TBC1D28: variants seen among roughly 807,000 people sequenced by gnomAD.
TBC1D28 encodes TBC1 domain family, member 28.
A neutral mutation model predicts 29.2 loss-of-function variants in TBC1D28; 20 were observed. That is an observed-to-expected ratio of 0.68 (90% CI 0.48 to 0.99). The LOEUF (loss-of-function observed/expected upper bound fraction) is 0.99, where lower values mean the gene tolerates loss of function less well. Ranked by LOEUF, TBC1D28 falls within the 50% of genes least tolerant of loss-of-function variation. The probability of loss-of-function intolerance (pLI) is 0.00; values close to 1 mark genes in which losing one functional copy is unlikely to be tolerated. For synonymous variants in TBC1D28, 65 were observed against 90.9 expected (o/e 0.71, Z 1.62); for missense variants, 205 against 243.7 (o/e 0.84, Z 1.06).
At chr17:18,642,285 A>G (rs1241568943) in exon 1 of TBC1D28, 1 of 152,448 alleles carries the variant, frequency 6.6e-6, no homozygotes, top group Admixed American at 6.5e-5. Flanking sequence ...CCATGTGTCC[A>G]GTGGGTCCCA....
At chr17:18,635,806 C>T (rs535789473) in exon 9 of TBC1D28, 1 of 986,122 alleles carries the variant, frequency 1.0e-6, no homozygotes, top group East Asian at 1.1e-4. Flanking sequence ...TGAAGTAATC[C>T]ACGCCAACCA....
chr17:18,639,031 T>A, intron 5 of TBC1D28, 144 bp downstream of exon 6: 3 of 1,317,452 alleles, frequency 2.3e-6, no homozygotes, highest in Non-Finnish European at 3.1e-6. Flanking sequence ...GGGAACAGAG[T>A]CCAGCAGGAA....
chr17:18,637,162 C>A (rs2031540375), intron 8 of TBC1D28, among the ~76,000 whole-genome samples: 1 of 140,802 alleles, frequency 7.1e-6, no homozygotes, highest in Non-Finnish European at 1.5e-5. Context: ...ACCCATGTTC[C>A]TGCAGGCATT....
exon 7 of TBC1D28, chr17:18,638,392 G>A (rs749285550): frequency 2.7e-5 from 43 of 1,614,014 alleles, no homozygotes; most frequent in Non-Finnish European, 3.2e-5. Flanking sequence ...CACCGCCAGG[G>A]GAATGACTTT....
intron 5 of TBC1D28, 126 bp from the exon 7 acceptor site, chr17:18,638,827 C>T (rs1400950086): frequency 2.4e-6 from 3 of 1,246,176 alleles, no homozygotes; most frequent in Non-Finnish European, 3.4e-6. Flanking sequence ...AAGGGCAGGC[C>T]CCAGGGGCTG....
upstream of TBC1D28, chr17:18,642,615 C>T (rs910072077): frequency 6.6e-6 from 1 of 152,252 alleles, no homozygotes; most frequent in African/African-American, 2.4e-5. Flanking sequence ...GGGGACAGCA[C>T]CCATCGCCAC....
chr17:18,638,231 C>T (rs867406098), intron 7 of TBC1D28, 82 bp downstream of exon 8: 38 of 1,518,924 alleles, frequency 2.5e-5, no homozygotes, highest in South Asian at 1.3e-4. Flanking sequence ...CCAGGCTCAA[C>T]GTTCCCTCCA....
chr17:18,638,219 ACCCAGGCTCAACGTTC>A lies in TBC1D28; in HGVS notation c.387+78_387+93del, dbSNP rs2031593333. On this transcript the variant is annotated intron_variant, in intron 7 of 8. Transcript: ENST00000345096. The stretch of plus-strand genomic sequence containing the variant: ...CATCTGACCACAGCCCCCACCCCCA[ACCCAGGCTCAACGTTC>A]CCTCCAGCTGGAGTCCTGGGATCCT... 2.0e-6 allele frequency: 3 copies of A among 1,471,966 alleles called. No homozygotes were observed. In the South Asian group the frequency reaches 3.8e-5, roughly 18 times the overall value. The allele number at this position is 1,471,966 out of a possible 1,614,324, so 91.2% of individuals were successfully genotyped here. A position where few individuals can be genotyped will look rare whatever the true frequency, so the allele number is the denominator to read the frequency against.
At chr17:18,634,920 G>C (rs1013920108), downstream of TBC1D28, 2 of 160,104 alleles carry the variant, frequency 1.2e-5, no homozygotes, top group African/African-American at 4.8e-5. Context: ...TCACCCGCCC[G>C]GCTGCCTTAG....
chr17:18,638,384 C>T (rs1030749957), exon 7 of TBC1D28: 22 of 1,614,182 alleles, frequency 1.4e-5, no homozygotes, highest in Non-Finnish European at 1.8e-5. Flanking sequence ...CGGCCCCGCA[C>T]CGCCAGGGGA....
exon 9 of TBC1D28, chr17:18,636,211 T>C: frequency 7.9e-7 from 1 of 1,270,510 alleles, no homozygotes; most frequent in Non-Finnish European, 9.9e-7. Context: ...TGCAAACTCA[T>C]TTCATGACAA....
chr17:18,635,347 G>C (rs1472404373), exon 9 of TBC1D28: 1 of 166,808 alleles, frequency 6.0e-6, no homozygotes, highest in Admixed American at 6.5e-5. Context: ...AGGTCCTCCT[G>C]CCAGGAGCCC....
chr17:18,642,177 G>A (rs1291382120), exon 1 of TBC1D28: 1 of 152,320 alleles, frequency 6.6e-6, no homozygotes, highest in Non-Finnish European at 1.5e-5. Context: ...GACCAGGAGA[G>A]ACGATTGTCA....
Position 18,637,767 on chromosome 17 carries a change from C to A in TBC1D28, c.497+97G>T, listed in dbSNP as rs1789731808. On this transcript the variant is annotated intron_variant, in intron 8 of 8. Transcript: ENST00000345096. ...GGAGAGCCCTTGGTGGCTCTGTCAC[C>A]TCTCCTGGGTGACCCTGGCCTCTGC... The A allele has an allele frequency of 2.0e-6, 3 of 1,476,804 alleles. No individual in the cohort carries two copies. In the South Asian group the frequency reaches 3.7e-5, roughly 18 times the overall value. 91.5% of individuals were successfully genotyped at this position (1,476,804 alleles called of 1,614,324 possible). A position where few individuals can be genotyped will look rare whatever the true frequency, so the allele number is the denominator to read the frequency against.
upstream of TBC1D28, among the ~76,000 whole-genome samples, chr17:18,643,890 G>C (rs1345136884): frequency 6.6e-6 from 1 of 152,174 alleles, no homozygotes; most frequent in African/African-American, 2.4e-5. Context: ...GACTTGGACC[G>C]AGCACCACCT....
At chr17:18,635,387 C>T (rs902817076) in exon 9 of TBC1D28, 63 of 330,652 alleles carry the variant, frequency 1.9e-4, no homozygotes, top group Middle Eastern at 1.5e-3. Flanking sequence ...AGGAAGCGCC[C>T]GCGCTGGGGA....
At chr17:18,641,547 G>A in intron 2 of TBC1D28, 85 bp downstream of exon 3, 1 of 641,474 alleles carries the variant, frequency 1.6e-6, no homozygotes, top group Non-Finnish European at 2.7e-6. Flanking sequence ...CCAACCAGTG[G>A]TGGGCTCCTT....
chr17:18,641,243 C>A, intron 3 of TBC1D28, 35 bp downstream of exon 4: 5 of 1,590,292 alleles, frequency 3.1e-6, no homozygotes, highest in South Asian at 1.1e-5. Context: ...AGAGGCGAGG[C>A]CCTGCTTCCC....
chr17:18,636,257 A>C, exon 9 of TBC1D28: 1 of 1,358,294 alleles, frequency 7.4e-7, no homozygotes, highest in Non-Finnish European at 9.5e-7. Context: ...CAACTTGTCA[A>C]ACCTGTCTCC....
Sources: allele counts gnomAD v4.1 joint callset (sites outside exome capture counted in the v4.1 genomes callset), GRCh38; gene constraint gnomAD v4.1.1; transcripts MANE v1.5; gene names NCBI Gene and HGNC (gene_info 2026-07-23, HGNC 2026-07-21).